The following RALGAPA1 variants were observed in gnomAD, a reference collection of about 807,000 sequenced individuals.
The protein encoded by RALGAPA1 is Ral GTPase activating protein catalytic subunit alpha 1.
Under a neutral mutation model 269.6 loss-of-function variants are expected in RALGAPA1, and 52 were observed. That is an observed-to-expected ratio of 0.19 (90% confidence interval 0.15 to 0.24). The LOEUF (loss-of-function observed/expected upper bound fraction) is 0.24, where lower values mean the gene tolerates loss of function less well. Ranked by LOEUF, RALGAPA1 falls within the 10% of genes least tolerant of loss-of-function variation. The probability of loss-of-function intolerance (pLI) is 1.00; values close to 1 mark genes in which losing one functional copy is unlikely to be tolerated. For missense variants in RALGAPA1, 1,917 were observed against 3,013.9 expected, an observed-to-expected ratio of 0.64 and a Z score of 8.52; for synonymous variants, 817 against 1,008.3, an observed-to-expected ratio of 0.81 and a Z score of 3.60.
At chr14:35,734,356 C>T (rs187962022) in intron 12 of RALGAPA1, among the ~76,000 whole-genome samples, 18 of 152,252 alleles carry the variant, frequency 1.2e-4, no homozygotes, top group African/African-American at 4.1e-4. Flanking sequence ...TAAAAACAGG[C>T]ACAGAGACCA....
intron 18 of RALGAPA1, 36 bp from the exon 19 acceptor site, chr14:35,686,702 A>G: frequency 7.9e-7 from 1 of 1,265,984 alleles, no homozygotes; most frequent in Non-Finnish European, 1.1e-6. Context: ...TAGTGAGGAA[A>G]AACTTAACTG....
intron 34 of RALGAPA1, 49 bp from the exon 35 acceptor site, chr14:35,625,481 C>T: frequency 7.4e-7 from 1 of 1,347,122 alleles, no homozygotes; most frequent in Non-Finnish European, 1.0e-6. Flanking sequence ...CAGTGAATGA[C>T]AAGACAGTCC....
chr14:35,561,064 C>T (rs1566682807), intron 39 of RALGAPA1, among the ~76,000 whole-genome samples: 1 of 151,442 alleles, frequency 6.6e-6, no homozygotes, highest in African/African-American at 2.4e-5. Context: ...CCTGTCACTA[C>T]TAAAAATACA....
chr14:35,629,825 T>G (rs2061238263), intron 33 of RALGAPA1, among the ~76,000 whole-genome samples: 2 of 152,212 alleles, frequency 1.3e-5, no homozygotes, highest in Admixed American at 1.3e-4. Context: ...ATGTTCTGAT[T>G]TACATACATG....
In RALGAPA1 at chr14:35,664,665, C is replaced by G; in HGVS notation, c.5305G>C (p.Val1769Leu). Residue 1769 changes from valine to leucine, a missense_variant, in exon 27 of 42, where the codon GTG becomes CTG. Physicochemically the swap from Val to Leu is conservative, Grantham distance 32 (BLOSUM62 1). This residue lies in a region of RALGAPA1 where 346 missense variants were observed against 566.1 expected (regional missense o/e 0.61). Coordinates refer to ENST00000680220, the MANE Select transcript of RALGAPA1 (RefSeq NM_001346249.2). ...SLHPNIPDVA[V>L]SQFTDVKELI... ...ACCTTAACATCTGTAAACTGAGACA[C>G]AGCAACATCAGGAATGTTGGGATGA... 1.2e-6 allele frequency: 2 copies of G among 1,610,256 alleles called. No homozygotes were observed. The highest frequency in any genetic ancestry group is 1.7e-6 in the Non-Finnish European group (2 of 1,178,470).
chr14:35,577,244 T>C (rs2057627542), intron 37 of RALGAPA1, among the ~76,000 whole-genome samples: 1 of 152,200 alleles, frequency 6.6e-6, no homozygotes, highest in African/African-American at 2.4e-5. Context: ...GTTCACCCAT[T>C]GCTACAGACT....
At chr14:35,802,167 G>C (rs1490782171) in intron 1 of RALGAPA1, among the ~76,000 whole-genome samples, 1 of 152,064 alleles carries the variant, frequency 6.6e-6, no homozygotes, top group East Asian at 1.9e-4. Context: ...AATCAGCCAG[G>C]CTCAGTGGTG....
intron 35 of RALGAPA1, among the ~76,000 whole-genome samples, chr14:35,614,243 T>C (rs1462136170): frequency 6.6e-6 from 1 of 152,136 alleles, no homozygotes; most frequent in African/African-American, 2.4e-5. Flanking sequence ...ATTCAAAACA[T>C]GTCCACACAA....
rs2053761626 is a variant in RALGAPA1, at chr14:35,539,358, A to G, written c.*356T>C. On this transcript the variant is annotated 3_prime_UTR_variant, in exon 42 of 42. Coordinates refer to ENST00000680220, the MANE Select transcript of RALGAPA1 (RefSeq NM_001346249.2). ...GGATTGTGGGAAAAAAAATGAAACAATAAATAACTTAAATCTTTAATATTA... is the reference window on the plus strand; with the variant it reads ...GGATTGTGGGAAAAAAAATGAAACAGTAAATAACTTAAATCTTTAATATTA... The G allele has an allele frequency of 6.4e-6, 5 of 785,188 alleles. No homozygotes were observed. The highest frequency in any genetic ancestry group is 8.7e-6 in the Non-Finnish European group (5 of 577,974). The allele number at this position is 785,188 out of a possible 1,614,324, so 48.6% of individuals were successfully genotyped here. A position where few individuals can be genotyped will look rare whatever the true frequency, so the allele number is the denominator to read the frequency against.
intron 36 of RALGAPA1, among the ~76,000 whole-genome samples, chr14:35,604,328 T>C (rs1375883694): frequency 6.6e-6 from 1 of 152,052 alleles, no homozygotes; most frequent in Non-Finnish European, 1.5e-5. Context: ...TTACAGAGTA[T>C]ATTCTGTGAT....
intron 3 of RALGAPA1, among the ~76,000 whole-genome samples, chr14:35,771,713 T>C (rs780652843): frequency 4.7e-4 from 72 of 152,088 alleles, no homozygotes; most frequent in Non-Finnish European, 7.6e-4. Flanking sequence ...CAGGCTGGAG[T>C]GCACTGGCTA....
intron 4 of RALGAPA1, chr14:35,767,126 C>A: frequency 4.9e-6 from 1 of 204,408 alleles, no homozygotes; most frequent in South Asian, 8.3e-5. Flanking sequence ...ATAAATATAT[C>A]ATGCAAAATT....
chr14:35,584,029 C>T (rs939543677), intron 37 of RALGAPA1, among the ~76,000 whole-genome samples: 27 of 152,088 alleles, frequency 1.8e-4, no homozygotes, highest in Admixed American at 1.7e-3. Context: ...GAAGAGTATG[C>T]AGAATGAATA....
intron 1 of RALGAPA1, among the ~76,000 whole-genome samples, chr14:35,780,443 A>G (rs2075353872): frequency 6.6e-6 from 1 of 152,220 alleles, no homozygotes; most frequent in Admixed American, 6.5e-5. Context: ...CACATGGTAT[A>G]CTATCCAAAA....
chr14:35,798,141 G>A (rs971102906), intron 1 of RALGAPA1, among the ~76,000 whole-genome samples: 1 of 150,864 alleles, frequency 6.6e-6, no homozygotes, highest in Non-Finnish European at 1.5e-5. Flanking sequence ...CCAAAATGCT[G>A]GGATTACAGG....
chr14:35,652,535 G>A (rs942930255), intron 30 of RALGAPA1, among the ~76,000 whole-genome samples: 1 of 152,062 alleles, frequency 6.6e-6, no homozygotes, highest in African/African-American at 2.4e-5. Flanking sequence ...CTCCTGAGTA[G>A]CTGGGATTAC....
At chr14:35,623,657 C>T (rs1163067746) in intron 35 of RALGAPA1, among the ~76,000 whole-genome samples, 1 of 151,994 alleles carries the variant, frequency 6.6e-6, no homozygotes, top group Non-Finnish European at 1.5e-5. Flanking sequence ...AAGCAATTTC[C>T]CAATATACAT....
intron 37 of RALGAPA1, among the ~76,000 whole-genome samples, chr14:35,574,127 C>T (rs2057393092): frequency 6.6e-6 from 1 of 152,156 alleles, no homozygotes; most frequent in African/African-American, 2.4e-5. Flanking sequence ...GCTGAGCACA[C>T]TGTCAGGAAG....
Position 35,627,107 on chromosome 14 carries a change from C to T in RALGAPA1, c.6840G>A (p.Met2280Ile). 6.6e-7 allele frequency: 1 copy of T among 1,520,454 alleles called. No homozygotes were observed. Among genetic ancestry groups the T allele is most frequent in the Non-Finnish European group, 8.8e-7 (1 of 1,140,572 alleles). 94.2% of individuals were successfully genotyped at this position (1,520,454 alleles called of 1,614,324 possible). A position where few individuals can be genotyped will look rare whatever the true frequency, so the allele number is the denominator to read the frequency against. Residue 2280 changes from methionine (M) to isoleucine (I), a missense_variant, in exon 34 of 42, where the codon ATG becomes ATA. Around this residue, in one of 11 missense-constraint regions of RALGAPA1, gnomAD observed 132 missense variants for 271.2 expected, o/e 0.49. Transcript: ENST00000680220. ...ATGCTTACCGTTTGTCCCAGGAATT[C>T]ATTCCCAATATACTAAGAAGCAATC... ...YCRLLLSILGMNSWDKRRSFH... is the reference protein window; with the variant it reads ...YCRLLLSILGINSWDKRRSFH...
Sources: gnomAD v4.1 joint callset for allele counts (sites outside exome capture counted in the v4.1 genomes callset) on GRCh38, gnomAD v4.1.1 for gene constraint, gnomAD v4.1.1 regional missense constraint, MANE v1.5 for transcripts, NCBI Gene and HGNC (gene_info 2026-07-23, HGNC 2026-07-21) for gene names.